Variants in ERC1 observed in about 807,000 individuals in gnomAD.
The protein encoded by ERC1 is ELKS/RAB6-interacting/CAST family member 1, also known as RAB6 interacting protein 2.
In ERC1, 56 loss-of-function variants were observed where a neutral mutation model predicts 132.0. The observed-to-expected ratio is 0.42, with a 90% CI of 0.34 to 0.53. ERC1 has a LOEUF of 0.53. ERC1 is among the 20% of genes least tolerant of loss of function. The pLI is 0.03. For missense variants in ERC1, 1,202 were observed against 1,349.9 expected, an observed-to-expected ratio of 0.89 and a Z score of 1.72; for synonymous variants, 478 against 476.1, an observed-to-expected ratio of 1.00 and a Z score of -0.05.
intron 12 of ERC1, among the ~76,000 whole-genome samples, chr12:1,234,090 T>C (rs943326726): frequency 1.3e-5 from 2 of 152,178 alleles, no homozygotes; most frequent in Non-Finnish European, 2.9e-5. Context: ...ATAAAATATA[T>C]ACACATTTTT....
intron 11 of ERC1, among the ~76,000 whole-genome samples, chr12:1,184,435 A>C (rs1242673058): frequency 1.3e-5 from 2 of 151,900 alleles, no homozygotes; most frequent in South Asian, 2.1e-4. Context: ...GTGTAGATTT[A>C]CATGAAGGAC....
chr12:1,018,591 C>T (rs1418584574), intron 1 of ERC1, among the ~76,000 whole-genome samples: 2 of 152,188 alleles, frequency 1.3e-5, no homozygotes, highest in African/African-American at 4.8e-5. Context: ...AAATTGCTTT[C>T]ATTATATTTG....
chr12:1,219,394 T>C (rs1241873363), intron 12 of ERC1, among the ~76,000 whole-genome samples: 1 of 152,184 alleles, frequency 6.6e-6, no homozygotes, highest in East Asian at 1.9e-4. Flanking sequence ...GGTACTACCA[T>C]TCACTCATTG....
At chr12:1,396,956 G>T (rs896748289) in intron 16 of ERC1, among the ~76,000 whole-genome samples, 9 of 152,108 alleles carry the variant, frequency 5.9e-5, no homozygotes, top group Non-Finnish European at 1.2e-4. Context: ...CTGGGAAGGA[G>T]CCCAGAGTCA....
chr12:1,309,760 GACGGA>G (rs2081154855), intron 15 of ERC1, among the ~76,000 whole-genome samples: 2 of 144,838 alleles, frequency 1.4e-5, no homozygotes, highest in African/African-American at 5.1e-5. Context: ...CTACTGAACT[GACGGA>G]AACTAGTTAA....
At position 1,400,916 on chromosome 12, in the gene ERC1, A is replaced by ATTTTT. The variant is rs869202443; in HGVS notation, c.2926-7200_2926-7196dup. Among the ~76,000 whole-genome samples the ATTTTT allele has an allele frequency of 4.6e-4, 7 of 15,056 alleles. 1 individual carries two copies. The highest frequency in any genetic ancestry group is 9.2e-4 in the African/African-American group (3 of 3,244). 9.9% of individuals were successfully genotyped at this position (15,056 alleles called of 152,430 possible). ...TCAATATTGTTTTGGCTATTTTTGTATTTTTTTTTTTTTTTTTTTTTTTTT... is the reference window on the plus strand; with the variant it reads ...TCAATATTGTTTTGGCTATTTTTGTATTTTTTTTTTTTTTTTTTTTTTTTTTTTTT... On this transcript the variant is annotated intron_variant, in intron 16 of 18. Transcript: ENST00000360905.
chr12:1,102,784 AAGT>A (rs1266955467), intron 3 of ERC1, among the ~76,000 whole-genome samples: 5 of 152,214 alleles, frequency 3.3e-5, no homozygotes, highest in African/African-American at 4.8e-5. Flanking sequence ...ACACAGGAAA[AAGT>A]AGAGCGAAGT....
chr12:1,141,636 T>G lies in ERC1; in HGVS notation c.1586T>G (p.Leu529Trp), dbSNP rs1949874035. Residue 529 changes from leucine to tryptophan, a missense_variant, in exon 8 of 19, where the codon TTG (leucine) becomes TGG (tryptophan). Physicochemically the swap from Leu to Trp is moderately conservative, Grantham distance 61. Coordinates refer to ENST00000360905, the MANE Select transcript of ERC1 (RefSeq NM_178040.4). Reference sequence around the variant, plus strand: ...CATTCTTAGGTGGATGCTCTCCGATTGCGTTTGGAAGAGAAGGAAACCATG... The same window carrying G: ...CATTCTTAGGTGGATGCTCTCCGATGGCGTTTGGAAGAGAAGGAAACCATG... ...ILQTEVDALR[L>W]RLEEKETMLN... The G allele has an allele frequency of 1.2e-6, 2 of 1,610,678 alleles. No homozygotes were observed. Among genetic ancestry groups the G allele is most frequent in the Non-Finnish European group, 8.5e-7 (1 of 1,178,354 alleles).
At position 1,411,693 on chromosome 12, in the gene ERC1, G is replaced by A. The variant is rs146682508; in HGVS notation, c.3024+3446G>A. 6.5e-4 allele frequency among the ~76,000 whole-genome samples: 99 copies of A among 152,186 alleles called. 1 individual carries two copies. The highest frequency in any genetic ancestry group is 2.1e-3 in the African/African-American group (88 of 41,456). ...ATGTGAGACCGTGCAGTAGCTGGAT[G>A]TAGTTTACTGGTCTCTTAGAAATGA... On this transcript the variant is annotated intron_variant, in intron 17 of 18. Transcript: ENST00000360905.
chr12:1,176,566 G>GT (rs944940002), intron 8 of ERC1, among the ~76,000 whole-genome samples: 428 of 148,254 alleles, frequency 2.9e-3, no homozygotes, highest in Middle Eastern at 0.017. Context: ...TGTTTTCTTT[G>GT]TTTTTTTTTT....
At chr12:1,017,679 C>T (rs148911616) in intron 1 of ERC1, among the ~76,000 whole-genome samples, 2,295 of 151,534 alleles carry the variant, frequency 0.015, 22 homozygotes, top group Middle Eastern at 0.024. Context: ...TTGTATTTTT[C>T]GTAGAGATGG....
At chr12:1,378,265 A>G (rs969981338) in intron 16 of ERC1, among the ~76,000 whole-genome samples, 79 of 152,196 alleles carry the variant, frequency 5.2e-4, no homozygotes, top group African/African-American at 1.9e-3. Context: ...TCCCCGTTGG[A>G]GCAATATTTA....
In ERC1 at chr12:1,472,649, C is replaced by CA. The variant is rs1337222877; in HGVS notation, c.3214-17440dup. Among the ~76,000 whole-genome samples the CA allele has an allele frequency of 6.2e-3, 546 of 88,294 alleles. 4 individuals carry two copies. Among genetic ancestry groups the CA allele is most frequent in the African/African-American group, 0.038 (508 of 13,332 alleles). 57.9% of individuals were successfully genotyped at this position (88,294 alleles called of 152,430 possible). On this transcript the variant is annotated intron_variant, in intron 18 of 18. Transcript: ENST00000360905. ...TGGGCAACAGAGTGTAACCCTGTCT[C>CA]AAAAGAAAAAAAAAAAGAGAAGAGA...
At chr12:1,064,151 A>C (rs1938615155) in intron 2 of ERC1, among the ~76,000 whole-genome samples, 1 of 152,146 alleles carries the variant, frequency 6.6e-6, no homozygotes, top group South Asian at 2.1e-4. Flanking sequence ...TCTGCTGAGA[A>C]ATCTGCCATT....
At chr12:1,214,989 C>T (rs916065827) in intron 12 of ERC1, among the ~76,000 whole-genome samples, 1 of 152,126 alleles carries the variant, frequency 6.6e-6, no homozygotes, top group Non-Finnish European at 1.5e-5. Flanking sequence ...TAGGAGTCTC[C>T]TCACATCCCT....
intron 16 of ERC1, among the ~76,000 whole-genome samples, chr12:1,405,673 A>G (rs576862260): frequency 9.2e-5 from 14 of 152,330 alleles, no homozygotes; most frequent in African/African-American, 3.1e-4. Flanking sequence ...ATTGCACTCC[A>G]GTCTGGGTGA....
intron 7 of ERC1, among the ~76,000 whole-genome samples, chr12:1,127,743 T>C (rs1032000240): frequency 6.6e-6 from 1 of 152,188 alleles, no homozygotes; most frequent in African/African-American, 2.4e-5. Flanking sequence ...CAGGAACATA[T>C]TAAAACATAT....
At chr12:1,386,332 C>T (rs114642964) in intron 16 of ERC1, among the ~76,000 whole-genome samples, 1,745 of 151,388 alleles carry the variant, frequency 0.012, 34 homozygotes, top group African/African-American at 0.039. Context: ...CCACTGTGCC[C>T]GGTCACAAAA....
At chr12:1,343,629 C>G (rs1205240473) in intron 15 of ERC1, among the ~76,000 whole-genome samples, 2 of 152,148 alleles carry the variant, frequency 1.3e-5, no homozygotes, top group African/African-American at 4.8e-5. Context: ...GTTCACTTAA[C>G]TATCCTTTCG....
Sources: allele counts gnomAD v4.1 joint callset (sites outside exome capture counted in the v4.1 genomes callset), GRCh38; gene constraint gnomAD v4.1.1; transcripts MANE v1.5; gene names NCBI Gene and HGNC (gene_info 2026-07-23, HGNC 2026-07-21).